The following MAPK1IP1L variants were observed in gnomAD, a reference collection of about 807,000 sequenced individuals.
MAPK1IP1L encodes mitogen-activated protein kinase 1 interacting protein 1 like.
A neutral mutation model predicts 18.1 loss-of-function variants in MAPK1IP1L; 10 were observed. The observed-to-expected ratio is 0.55, with a 90% CI of 0.34 to 0.94. The LOEUF (loss-of-function observed/expected upper bound fraction) is 0.94, where lower values mean the gene tolerates loss of function less well. Ranked by LOEUF, MAPK1IP1L falls within the 40% of genes least tolerant of loss-of-function variation. The pLI, the probability that MAPK1IP1L is intolerant of heterozygous loss-of-function variation, is 0.02. For missense variants in MAPK1IP1L, 260 were observed against 318.2 expected (o/e 0.82, Z 1.39); for synonymous variants, 115 against 117.3 (o/e 0.98, Z 0.13).
intron 1 of MAPK1IP1L, among the ~76,000 whole-genome samples, chr14:55,053,917 T>G (rs1370212462): frequency 1.3e-5 from 2 of 152,194 alleles, no homozygotes; most frequent in Non-Finnish European, 2.9e-5. Flanking sequence ...AGGTTGCATA[T>G]CCTTTATCCC....
At chr14:55,052,751 A>T (rs547037650) in intron 1 of MAPK1IP1L, among the ~76,000 whole-genome samples, 1 of 152,354 alleles carries the variant, frequency 6.6e-6, no homozygotes, top group African/African-American at 2.4e-5. Context: ...GAAATTTTTC[A>T]TGCTGGCATC....
At position 55,051,751 on chromosome 14, in the gene MAPK1IP1L, C is replaced by G. The variant is rs553925015; in HGVS notation, c.-57C>G. ...TGCGCCCGCGTCTTCAGGGCCCAGT[C>G]CCTCGGACCCATCGCCGCTTCTAGA... is the stretch of plus-strand genomic sequence containing the variant. On this transcript the variant is annotated 5_prime_UTR_variant, in exon 1 of 4. Transcript: ENST00000395468. 7.8e-6 allele frequency: 4 copies of G among 514,854 alleles called. No homozygotes were observed. Among genetic ancestry groups the G allele is most frequent in the African/African-American group, 3.9e-5 (2 of 51,260 alleles). 31.9% of individuals were successfully genotyped at this position (514,854 alleles called of 1,614,324 possible).
chr14:55,056,572 T>C (rs751203953), intron 1 of MAPK1IP1L, among the ~76,000 whole-genome samples: 3 of 152,246 alleles, frequency 2.0e-5, no homozygotes, highest in East Asian at 1.9e-4. Flanking sequence ...TGCAGTGGCT[T>C]GATCTCAGCT....
intron 3 of MAPK1IP1L, 75 bp from the exon 4 acceptor site, chr14:55,064,541 T>A: frequency 2.3e-6 from 3 of 1,321,622 alleles, no homozygotes; most frequent in Non-Finnish European, 3.3e-6. Flanking sequence ...ATAAATTTAC[T>A]TTAAGCCACA....
chr14:55,055,520 C>G (rs981772966), intron 1 of MAPK1IP1L, among the ~76,000 whole-genome samples: 2 of 152,056 alleles, frequency 1.3e-5, no homozygotes, highest in Admixed American at 1.3e-4. Flanking sequence ...ATCTAATAAC[C>G]AAGATGGGCT....
rs2042850006 is a variant in MAPK1IP1L, at chr14:55,064,834, C to T, written c.*207C>T. The T allele has an allele frequency of 2.3e-6, 1 of 434,476 alleles. No individual in the cohort carries two copies. Among genetic ancestry groups the T allele is most frequent in the African/African-American group, 2.0e-5 (1 of 49,340 alleles). 26.9% of individuals were successfully genotyped at this position (434,476 alleles called of 1,614,324 possible). A position where few individuals can be genotyped will look rare whatever the true frequency, so the allele number is the denominator to read the frequency against. On this transcript the variant is annotated 3_prime_UTR_variant, in exon 4 of 4. Coordinates refer to ENST00000395468, the MANE Select transcript of MAPK1IP1L (RefSeq NM_144578.4). ...ATCAGATAAAAGCATAGAAGTAAAT[C>T]ATTCGGATGTGATTTTTATTTGGTT...
chr14:55,063,152 G>A lies in MAPK1IP1L; in HGVS notation c.553G>A (p.Ala185Thr), dbSNP rs1166554669. 6.2e-7 allele frequency: 1 copy of A among 1,614,006 alleles called. No homozygotes were observed. Among genetic ancestry groups the A allele is most frequent in the Admixed American group, 1.7e-5 (1 of 60,020 alleles). The change falls in exon 3 of 4, where the codon GCA (alanine) becomes ACA (threonine). Residue 185 changes from alanine (A) to threonine (T), a missense_variant. Ala to Thr is a moderately conservative substitution (Grantham distance 58, BLOSUM62 0). Coordinates refer to ENST00000395468, the MANE Select transcript of MAPK1IP1L (RefSeq NM_144578.4). ...PAPPPPQAPGAAPPVPWGTVP... is the reference protein window; with the variant it reads ...PAPPPPQAPGTAPPVPWGTVP... The stretch of plus-strand genomic sequence containing the variant: ...TCCTCCTCCTCCCCAAGCCCCTGGG[G>A]CAGCACCACCTGTTCCATGGGGCAC...
chr14:55,053,715 T>C (rs1311301105), intron 1 of MAPK1IP1L, among the ~76,000 whole-genome samples: 1 of 152,180 alleles, frequency 6.6e-6, no homozygotes, highest in East Asian at 1.9e-4. Context: ...GTTTTTACAC[T>C]AACTGCTCTT....
At chr14:55,058,261 CTT>C (rs1417364033) in intron 1 of MAPK1IP1L, among the ~76,000 whole-genome samples, 3 of 152,178 alleles carry the variant, frequency 2.0e-5, no homozygotes, top group Non-Finnish European at 2.9e-5. Flanking sequence ...TCAGCTGAGA[CTT>C]TTTGTTTTTT....
chr14:55,061,066 C>T (rs2042814168), intron 1 of MAPK1IP1L, among the ~76,000 whole-genome samples: 1 of 152,134 alleles, frequency 6.6e-6, no homozygotes, highest in Admixed American at 6.5e-5. Context: ...AAGAAGATGA[C>T]TTGAGCCCAG....
chr14:55,053,115 G>T (rs921822645), intron 1 of MAPK1IP1L, among the ~76,000 whole-genome samples: 1 of 152,164 alleles, frequency 6.6e-6, no homozygotes, highest in Non-Finnish European at 1.5e-5. Flanking sequence ...GCCAAACTAG[G>T]GCAGATAAAG....
intron 2 of MAPK1IP1L, among the ~76,000 whole-genome samples, chr14:55,061,961 T>C (rs1047223992): frequency 2.0e-5 from 3 of 152,306 alleles, no homozygotes; most frequent in Admixed American, 6.5e-5. Flanking sequence ...GAGATGCTTT[T>C]TGTGATTCTT....
rs964908610 is a variant in MAPK1IP1L at position 55,051,675 on chromosome 14, G to C, written c.-133G>C. ...TCCTGTTCCGGCGCCAGGAGGAGCC[G>C]CGCGCTGCTGGTGCTGTTGCCGCCG... On this transcript the variant is annotated 5_prime_UTR_variant, in exon 1 of 4. Coordinates refer to ENST00000395468, the MANE Select transcript of MAPK1IP1L (RefSeq NM_144578.4). The C allele has an allele frequency of 3.9e-6, 2 of 514,928 alleles. No homozygotes were observed. The highest frequency in any genetic ancestry group is 1.9e-5 in the African/African-American group (1 of 51,560). The allele number at this position is 514,928 out of a possible 1,614,324, so 31.9% of individuals were successfully genotyped here. A position where few individuals can be genotyped will look rare whatever the true frequency, so the allele number is the denominator to read the frequency against.
At chr14:55,054,395 G>A (rs1031918722) in intron 1 of MAPK1IP1L, among the ~76,000 whole-genome samples, 5 of 151,738 alleles carry the variant, frequency 3.3e-5, no homozygotes, top group East Asian at 1.9e-4. Flanking sequence ...CACCCACCTC[G>A]GCCTCCCAAA....
chr14:55,062,247 G>A (rs1477110373), intron 2 of MAPK1IP1L, among the ~76,000 whole-genome samples: 1 of 152,132 alleles, frequency 6.6e-6, no homozygotes, highest in African/African-American at 2.4e-5. Flanking sequence ...AACTGAAGAG[G>A]CTCTATCTCA....
Position 55,062,816 on chromosome 14 carries a change from C to T in MAPK1IP1L, c.217C>T (p.Pro73Ser), listed in dbSNP as rs774920797. 1.9e-6 allele frequency: 3 copies of T among 1,614,132 alleles called. No individual in the cohort carries two copies. The highest frequency in any genetic ancestry group is 2.2e-5 in the East Asian group (1 of 44,880). ...TGGACCAGCACCAACAGGAATGTATCCCTCCGTGCCTCCCACCGGACCACC... is the reference window on the plus strand; with the variant it reads ...TGGACCAGCACCAACAGGAATGTATTCCTCCGTGCCTCCCACCGGACCACC... Reference protein sequence around the residue: ...PFGPAPTGMYPSVPPTGPPPG... With the variant: ...PFGPAPTGMYSSVPPTGPPPG... Residue 73 changes from proline (P) to serine (S), a missense_variant, in exon 3 of 4, where the codon CCC (proline) becomes TCC (serine). Physicochemically the swap from Pro to Ser is moderately conservative, Grantham distance 74 (BLOSUM62 -1). Coordinates refer to ENST00000395468, the MANE Select transcript of MAPK1IP1L (RefSeq NM_144578.4).
intron 1 of MAPK1IP1L, among the ~76,000 whole-genome samples, chr14:55,053,018 C>T (rs750542097): frequency 8.5e-5 from 13 of 152,182 alleles, no homozygotes; most frequent in Non-Finnish European, 1.8e-4. Flanking sequence ...ATATTTGCAG[C>T]AATAGATGTG....
rs1247005254 is a variant in MAPK1IP1L at position 55,067,590 on chromosome 14, GAC to G, written c.*2964_*2965del. 1 of 151,742 alleles carries G rather than the reference GAC, an allele frequency of 6.6e-6. No homozygotes were observed. The highest frequency in any genetic ancestry group is 1.5e-5 in the Non-Finnish European group (1 of 67,972). 9.4% of individuals were successfully genotyped at this position (151,742 alleles called of 1,614,324 possible). On this transcript the variant is annotated 3_prime_UTR_variant, in exon 4 of 4. Transcript: ENST00000395468. ...CACCCATTTTTGTATTTTTAGTAGAGACGGGGGTTTCACCATGTTGGCCAGGG... is the reference window on the plus strand; with the variant it reads ...CACCCATTTTTGTATTTTTAGTAGAGGGGGGTTTCACCATGTTGGCCAGGG...
In MAPK1IP1L at chr14:55,064,774, T is replaced by C. The variant is rs1566764821; in HGVS notation, c.*147T>C. ...ACCTCTCAGAGAAGATAACTGCCTC[T>C]TGTACTTGGATGCGTAGTACATCAT... On this transcript the variant is annotated 3_prime_UTR_variant, in exon 4 of 4. Transcript: ENST00000395468. The C allele has an allele frequency of 9.0e-6, 6 of 666,742 alleles. No homozygotes were observed. The highest frequency in any genetic ancestry group is 2.0e-5 in the South Asian group (1 of 49,436). The allele number at this position is 666,742 out of a possible 1,614,324, so 41.3% of individuals were successfully genotyped here.
Sources: gnomAD v4.1 joint callset for allele counts (sites outside exome capture counted in the v4.1 genomes callset) on GRCh38, gnomAD v4.1.1 for gene constraint, MANE v1.5 for transcripts, NCBI Gene and HGNC (gene_info 2026-07-23, HGNC 2026-07-21) for gene names.